SLC8A1: variants seen among roughly 807,000 people sequenced by gnomAD.
The protein encoded by SLC8A1 is sodium/calcium exchanger 1.
In SLC8A1, 18 loss-of-function variants were observed where a neutral mutation model predicts 68.3. The observed-to-expected ratio is 0.26, with a 90% CI of 0.18 to 0.39. SLC8A1 has a LOEUF of 0.39. SLC8A1 is among the 10% of genes least tolerant of loss of function. The pLI is 1.00. For missense variants in SLC8A1, 985 were observed against 1,156.7 expected (o/e 0.85, Z 2.15); for synonymous variants, 475 against 415.5 (o/e 1.14, Z -1.74).
rs141011028 is a variant in SLC8A1 at position 40,174,155 on chromosome 2, T to C, written c.1930+670A>G. Among the ~76,000 whole-genome samples, 570 of 152,202 alleles carry C rather than the reference T, an allele frequency of 3.7e-3. 11 individuals carry two copies. In the East Asian group the frequency reaches 0.058, roughly 15 times the overall value. ...TAAGTCCCCAGAGAAACCCTCAGAT[T>C]GGTGTGGTGGGATGAGGGGAAGGCT... On this transcript the variant is annotated intron_variant, in intron 4 of 7. Coordinates refer to ENST00000406785, the Ensembl canonical transcript of SLC8A1.
In SLC8A1 at chr2:40,428,618, T is replaced by C. The variant is rs1240059672; in HGVS notation, c.1663A>G (p.Ile555Val). Residue 555 changes from isoleucine (I) to valine (V), a missense_variant, in exon 2 of 8, where the codon ATC (isoleucine) becomes GTC (valine). Ile to Val is a conservative substitution (Grantham distance 29). Coordinates refer to ENST00000406785, the Ensembl canonical transcript of SLC8A1. Reference sequence around the variant, plus strand: ...GTTCTCAATACTTTCACCTCCATGATGCCAATGCTCTCACTCACATGAGTC... The same window carrying C: ...GTTCTCAATACTTTCACCTCCATGACGCCAATGCTCTCACTCACATGAGTC... 5.0e-6 allele frequency: 8 copies of C among 1,613,806 alleles called. No individual in the cohort carries two copies. In the South Asian group the frequency reaches 6.6e-5, roughly 13 times the overall value.
intron 7 of SLC8A1, among the ~76,000 whole-genome samples, chr2:40,129,301 G>T (rs1378193016): frequency 6.6e-6 from 1 of 151,664 alleles, no homozygotes; most frequent in African/African-American, 2.4e-5. Context: ...CATGATCATG[G>T]CTCACTGCAG....
At chr2:40,462,182 T>G (rs1175250028) in intron 1 of SLC8A1, among the ~76,000 whole-genome samples, 19 of 151,546 alleles carry the variant, frequency 1.3e-4, no homozygotes, top group African/African-American at 4.6e-4. Context: ...AATTTTTGTA[T>G]TTTTAGTAGA....
At chr2:40,340,901 T>C (rs537253387) in intron 2 of SLC8A1, among the ~76,000 whole-genome samples, 1 of 152,240 alleles carries the variant, frequency 6.6e-6, no homozygotes, top group East Asian at 1.9e-4. Flanking sequence ...ACTGGAGACT[T>C]GTACTAAAGG....
chr2:40,130,183 T>C (rs2160364), intron 7 of SLC8A1, among the ~76,000 whole-genome samples: 25,021 of 152,260 alleles, frequency 0.16, 2,128 homozygotes, highest in Admixed American at 0.21. Flanking sequence ...TTGAAATGGA[T>C]CTTTCCCAGG....
At chr2:40,133,403 G>A (rs913763992) in intron 7 of SLC8A1, among the ~76,000 whole-genome samples, 3 of 122,990 alleles carry the variant, frequency 2.4e-5, no homozygotes, top group Non-Finnish European at 3.6e-5. Context: ...GGGGGGGGGG[G>A]GGTGGAAACC....
chr2:40,503,790 T>C (rs1706193809), intron 1 of SLC8A1, among the ~76,000 whole-genome samples: 1 of 152,002 alleles, frequency 6.6e-6, no homozygotes, highest in Non-Finnish European at 1.5e-5. Context: ...AAAACATTGA[T>C]GAAAGGAATT....
At chr2:40,396,767 A>AAAAAAAAAAAAAAAAAAAAAAAAAAAT (rs1687080248) in intron 2 of SLC8A1, among the ~76,000 whole-genome samples, 1 of 147,600 alleles carries the variant, frequency 6.8e-6, no homozygotes, top group Non-Finnish European at 1.5e-5. Flanking sequence ...AAAAAAAAAA[A>AAAAAAAAAAAAAAAAAAAAAAAAAAAT]AAAAAAAAAA....
At chr2:40,506,371 G>A (rs1288802060) in intron 1 of SLC8A1, among the ~76,000 whole-genome samples, 1 of 151,806 alleles carries the variant, frequency 6.6e-6, no homozygotes, top group Non-Finnish European at 1.5e-5. Context: ...TTTTTAGAAT[G>A]GTTATCTATT....
chr2:40,179,140 T>C (rs912552514), intron 2 of SLC8A1, among the ~76,000 whole-genome samples: 6 of 152,208 alleles, frequency 3.9e-5, no homozygotes, highest in African/African-American at 7.2e-5. Context: ...CAGGAAGTTG[T>C]TCACGTTTTG....
At chr2:40,176,027 G>GT (rs1558629771) in intron 3 of SLC8A1, 2 of 441,712 alleles carry the variant, frequency 4.5e-6, no homozygotes, top group African/African-American at 2.0e-5. Context: ...AGGGCATTGG[G>GT]TTGGGGGGAG....
chr2:40,467,520 T>G (rs1703760837), intron 1 of SLC8A1, among the ~76,000 whole-genome samples: 1 of 152,162 alleles, frequency 6.6e-6, no homozygotes, highest in African/African-American at 2.4e-5. Flanking sequence ...TGGCAGCTGC[T>G]ATTGTTGTCT....
chr2:40,426,064 A>C (rs540961424), intron 2 of SLC8A1, among the ~76,000 whole-genome samples: 3 of 152,122 alleles, frequency 2.0e-5, no homozygotes, highest in Non-Finnish European at 2.9e-5. Context: ...AAATCTGTAC[A>C]ATCAACAGAC....
intron 2 of SLC8A1, among the ~76,000 whole-genome samples, chr2:40,333,161 G>A (rs989101215): frequency 7.2e-5 from 11 of 152,164 alleles, no homozygotes; most frequent in South Asian, 2.1e-4. Flanking sequence ...CTTTTAGGCC[G>A]GGTGCGGTGG....
chr2:40,194,660 C>G (rs1319945112), intron 2 of SLC8A1, among the ~76,000 whole-genome samples: 1 of 152,048 alleles, frequency 6.6e-6, no homozygotes, highest in Admixed American at 6.6e-5. Context: ...ATTAATAACA[C>G]CAGTTCCTCG....
exon 8 of SLC8A1, chr2:40,099,276 G>A (rs188861269): frequency 6.6e-6 from 1 of 152,082 alleles, no homozygotes; most frequent in African/African-American, 2.4e-5. Flanking sequence ...AGTAATATAT[G>A]ATGCATATAC....
chr2:40,116,061 A>C (rs758013710), intron 7 of SLC8A1, among the ~76,000 whole-genome samples: 20 of 152,210 alleles, frequency 1.3e-4, no homozygotes, highest in Admixed American at 2.0e-4. Context: ...GTATCCTAAA[A>C]GATTCTAGGT....
exon 8 of SLC8A1, chr2:40,115,041 G>A (rs879303294): frequency 2.3e-5 from 7 of 301,656 alleles, no homozygotes; most frequent in African/African-American, 1.1e-4. Context: ...TGCAAAGATG[G>A]CCCTGCCTCC....
chr2:40,148,843 T>A (rs1187679125), intron 6 of SLC8A1, among the ~76,000 whole-genome samples: 2 of 152,242 alleles, frequency 1.3e-5, no homozygotes, highest in South Asian at 2.1e-4. Context: ...GGAATTCAGA[T>A]GGAGCATCTC....
Sources: gnomAD v4.1 joint callset for allele counts (sites outside exome capture counted in the v4.1 genomes callset) on GRCh38, gnomAD v4.1.1 for gene constraint, MANE v1.5 for transcripts, NCBI Gene and HGNC (gene_info 2026-07-23, HGNC 2026-07-21) for gene names.